Variants in NREP observed in about 807,000 individuals in gnomAD.
The protein encoded by NREP is neuronal regeneration-related protein.
A neutral mutation model predicts 8.6 loss-of-function variants in NREP; 5 were observed. The ratio of observed to expected loss-of-function variants is 0.58; its 90% CI spans 0.30 to 1.22. The LOEUF (loss-of-function observed/expected upper bound fraction) is 1.22. Among genes scored for constraint, NREP ranks in the 50% most tolerant of loss-of-function variants. The pLI, the probability that NREP is intolerant of heterozygous loss-of-function variation, is 0.07. For missense variants in NREP, 86 were observed against 82.5 expected (o/e 1.04, Z -0.17); for synonymous variants, 27 against 28.0 (o/e 0.96, Z 0.11).
chr5:111,796,712 T>C (rs918551400), intron 2 of NREP, among the ~76,000 whole-genome samples: 1 of 152,206 alleles, frequency 6.6e-6, no homozygotes, highest in Non-Finnish European at 1.5e-5. Flanking sequence ...TCATTTGACT[T>C]AGTCAATCAA....
chr5:111,728,821 A>G (rs1357682527), downstream of NREP: 1 of 152,208 alleles, frequency 6.6e-6, no homozygotes, highest in African/African-American at 2.4e-5. Flanking sequence ...ATTCTGTCTC[A>G]AATTTTTATC....
rs1169607768 is a variant in NREP, at chr5:111,879,825, GAA to G, written c.135+95447_135+95448del. Among the ~76,000 whole-genome samples the G allele has an allele frequency of 8.5e-5, 13 of 152,226 alleles. No individual in the cohort carries two copies. The East Asian group carries it at 2.5e-3, about 29-fold the overall frequency. On this transcript the variant is annotated intron_variant, in intron 2 of 3. Transcript: ENST00000395634. ...TAGTCCCATATGGCAGGGAGAGAAA[GAA>G]AGAGAGAGAGAGAAAAAAAGACAGT...
chr5:111,763,626 T>A (rs905618087), intron 2 of NREP, among the ~76,000 whole-genome samples: 2 of 152,268 alleles, frequency 1.3e-5, no homozygotes, highest in African/African-American at 4.8e-5. Context: ...AAACACATTT[T>A]AAAATTATCC....
At chr5:111,815,825 T>C (rs145035588) in intron 2 of NREP, among the ~76,000 whole-genome samples, 2 of 152,168 alleles carry the variant, frequency 1.3e-5, no homozygotes, top group African/African-American at 4.8e-5. Flanking sequence ...AGAAACCCCA[T>C]GTAAGAAAAG....
At chr5:111,764,033 T>A (rs1026050046) in intron 2 of NREP, among the ~76,000 whole-genome samples, 3 of 152,254 alleles carry the variant, frequency 2.0e-5, no homozygotes, top group African/African-American at 7.2e-5. Flanking sequence ...TATCCCCTGA[T>A]ATGATGCCAT....
rs1429934719 is a variant in NREP at position 111,731,190 on chromosome 5, T to A, written c.82-144A>T. On this transcript the variant is annotated intron_variant, in intron 3 of 3. Coordinates refer to ENST00000257435, the MANE Select transcript of NREP (RefSeq NM_004772.4). ...ACTCTTGCTGTTTTGCAAAACAGAG[T>A]TTACATATTAAACACAGTTCACCTG... is the stretch of plus-strand genomic sequence containing the variant. 70 of 783,756 alleles carry A rather than the reference T, an allele frequency of 8.9e-5. 1 individual carries two copies. Among genetic ancestry groups the A allele is most frequent in the South Asian group, 5.0e-4 (27 of 53,504 alleles). 48.6% of individuals were successfully genotyped at this position (783,756 alleles called of 1,614,324 possible).
chr5:111,742,356 T>TGACA (rs1400180799), intron 2 of NREP, among the ~76,000 whole-genome samples: 1 of 152,100 alleles, frequency 6.6e-6, no homozygotes, highest in Non-Finnish European at 1.5e-5. Flanking sequence ...TGTGGGAACC[T>TGACA]GACAGCTGTG....
chr5:111,782,310 A>G (rs1751511748), intron 2 of NREP, among the ~76,000 whole-genome samples: 1 of 152,228 alleles, frequency 6.6e-6, no homozygotes, highest in South Asian at 2.1e-4. Context: ...TGTGACTAAT[A>G]AATTCATCAT....
chr5:111,785,029 T>C (rs1751576750), intron 2 of NREP, among the ~76,000 whole-genome samples: 1 of 152,146 alleles, frequency 6.6e-6, no homozygotes, highest in Non-Finnish European at 1.5e-5. Context: ...TCATTGACTA[T>C]CTTGCCTAGG....
intron 2 of NREP, among the ~76,000 whole-genome samples, chr5:111,948,496 T>G (rs1756052628): frequency 6.6e-6 from 1 of 152,146 alleles, no homozygotes; most frequent in African/African-American, 2.4e-5. Context: ...GGCTAGAATC[T>G]ATCCTGAATA....
chr5:111,806,800 T>A (rs1318005290), intron 2 of NREP, among the ~76,000 whole-genome samples: 1 of 152,048 alleles, frequency 6.6e-6, no homozygotes, highest in African/African-American at 2.4e-5. Context: ...TGAACTAAAG[T>A]GTGGATTAGG....
At chr5:111,901,573 C>T (rs1754648240) in intron 2 of NREP, among the ~76,000 whole-genome samples, 2 of 152,006 alleles carry the variant, frequency 1.3e-5, no homozygotes, top group South Asian at 2.1e-4. Flanking sequence ...CCTGAAGATT[C>T]GACCCCAAAA....
rs151098441 is a variant in NREP at position 111,796,668 on chromosome 5, T to A, written c.136-61161A>T. Among the ~76,000 whole-genome samples the A allele has an allele frequency of 3.2e-3, 446 of 140,304 alleles. 2 individuals are homozygous for A. The highest frequency in any genetic ancestry group is 0.011 in the African/African-American group (431 of 40,876). 92.0% of individuals were successfully genotyped at this position (140,304 alleles called of 152,430 possible). A position where few individuals can be genotyped will look rare whatever the true frequency, so the allele number is the denominator to read the frequency against. ...GTATCATAGTCTAGCTCAGTGAATA[T>A]TTGGCAATGAATGAGTAAGTGCTAA... On this transcript the variant is annotated intron_variant, in intron 2 of 3. Coordinates refer to the NREP transcript ENST00000395634.
In NREP at chr5:111,967,770, C is replaced by A. The variant is rs183588434; in HGVS notation, c.135+7504G>T. Among the ~76,000 whole-genome samples the A allele has an allele frequency of 3.3e-5, 5 of 152,176 alleles. No individual in the cohort carries two copies. The East Asian group carries it at 9.6e-4, about 29-fold the overall frequency. On this transcript the variant is annotated intron_variant, in intron 2 of 3. Transcript: ENST00000395634. ...CTTGTGTGTGATCTTTTCTGTCTTC[C>A]CCAACTTGTAAACTTTTTAATTTAA...
At chr5:111,825,147 A>G (rs1223845326) in intron 2 of NREP, among the ~76,000 whole-genome samples, 1 of 152,236 alleles carries the variant, frequency 6.6e-6, no homozygotes, top group Non-Finnish European at 1.5e-5. Context: ...GCTCATTAAT[A>G]GCAATGTTAG....
At chr5:111,935,095 T>G (rs1755646524) in intron 2 of NREP, among the ~76,000 whole-genome samples, 1 of 152,128 alleles carries the variant, frequency 6.6e-6, no homozygotes, top group African/African-American at 2.4e-5. Context: ...AATGTAGATA[T>G]ACAGTACTTT....
At chr5:111,729,281 A>AATG (rs1194370608), downstream of NREP, 1 of 152,242 alleles carries the variant, frequency 6.6e-6, no homozygotes, top group African/African-American at 2.4e-5. Flanking sequence ...AGGCCTCTTC[A>AATG]ATGATGAGCC....
At chr5:111,763,990 G>A (rs1323129958) in intron 2 of NREP, among the ~76,000 whole-genome samples, 1 of 152,122 alleles carries the variant, frequency 6.6e-6, no homozygotes, top group Non-Finnish European at 1.5e-5. Context: ...CCAACCAAAC[G>A]GTGGATTAAC....
intron 2 of NREP, among the ~76,000 whole-genome samples, chr5:111,881,216 C>G (rs987487459): frequency 2.6e-5 from 4 of 152,176 alleles, no homozygotes; most frequent in African/African-American, 9.7e-5. Context: ...ACGGAGTCTC[C>G]CTGATTGCTA....
Sources: allele counts gnomAD v4.1 joint callset (sites outside exome capture counted in the v4.1 genomes callset), GRCh38; gene constraint gnomAD v4.1.1; transcripts MANE v1.5; gene names NCBI Gene and HGNC (gene_info 2026-07-23, HGNC 2026-07-21).